Variants in ST8SIA4 observed in about 807,000 individuals in gnomAD.
ST8SIA4 encodes CMP-N-acetylneuraminate-poly-alpha-2,8-sialyltransferase.
ST8SIA4 carries 15 observed loss-of-function variants against 33.9 expected under a neutral mutation model. The observed-to-expected ratio is 0.44, with a 90% CI of 0.30 to 0.68. The LOEUF is 0.68. Ranked by LOEUF, ST8SIA4 falls within the 30% of genes least tolerant of loss-of-function variation. ST8SIA4 has a pLI of 0.10. For synonymous variants in ST8SIA4, 171 were observed against 151.2 expected (o/e 1.13, Z -0.96); for missense variants, 321 against 428.0 (o/e 0.75, Z 2.21).
intron 4 of ST8SIA4, among the ~76,000 whole-genome samples, chr5:100,850,093 A>G (rs116623203): frequency 0.022 from 3,403 of 152,272 alleles, 131 homozygotes; most frequent in African/African-American, 0.077. Context: ...ATTACTTTCA[A>G]TGGCAAAACC....
intron 4 of ST8SIA4, among the ~76,000 whole-genome samples, chr5:100,854,267 G>C (rs1348303596): frequency 1.3e-5 from 2 of 151,722 alleles, no homozygotes; most frequent in African/African-American, 4.8e-5. Context: ...AATGTGTGTT[G>C]AGTAAACATG....
intron 3 of ST8SIA4, among the ~76,000 whole-genome samples, chr5:100,858,128 G>T (rs3776166): frequency 0.095 from 14,431 of 151,952 alleles, 1,365 homozygotes; most frequent in African/African-American, 0.23. Context: ...TCATTTTAAA[G>T]TCCTAAGATG....
intron 3 of ST8SIA4, among the ~76,000 whole-genome samples, chr5:100,873,313 A>G (rs2112459096): frequency 6.6e-6 from 1 of 152,222 alleles, no homozygotes; most frequent in East Asian, 1.9e-4. Context: ...AGCTAGAGGG[A>G]AGATGAGGAG....
At chr5:100,858,686 G>A (rs183948227) in intron 3 of ST8SIA4, among the ~76,000 whole-genome samples, 1 of 152,044 alleles carries the variant, frequency 6.6e-6, no homozygotes, top group Non-Finnish European at 1.5e-5. Context: ...AATGGAATAA[G>A]AATATTTATG....
chr5:100,816,533 C>A (rs1322355306), intron 4 of ST8SIA4: 1 of 525,518 alleles, frequency 1.9e-6, no homozygotes, highest in Non-Finnish European at 3.9e-6. Flanking sequence ...AAAGTAATGA[C>A]AAAAACTGCA....
chr5:100,858,618 C>T (rs1751868153), intron 3 of ST8SIA4, among the ~76,000 whole-genome samples: 1 of 151,984 alleles, frequency 6.6e-6, no homozygotes, highest in Non-Finnish European at 1.5e-5. Context: ...AGATGCTCAT[C>T]AATTAAAGCT....
chr5:100,823,026 G>C (rs963370990), intron 4 of ST8SIA4, among the ~76,000 whole-genome samples: 2 of 152,096 alleles, frequency 1.3e-5, no homozygotes, highest in African/African-American at 2.4e-5. Context: ...AGCTACTCGG[G>C]GGGCTGAGGG....
At chr5:100,838,213 T>C (rs1235338904) in intron 4 of ST8SIA4, among the ~76,000 whole-genome samples, 1 of 151,988 alleles carries the variant, frequency 6.6e-6, no homozygotes, top group Non-Finnish European at 1.5e-5. Flanking sequence ...AATAGAGATC[T>C]AGGACTGCCA....
At chr5:100,891,813 A>C (rs1370011365) in intron 2 of ST8SIA4, among the ~76,000 whole-genome samples, 1 of 152,086 alleles carries the variant, frequency 6.6e-6, no homozygotes, top group Non-Finnish European at 1.5e-5. Context: ...TCTGGGTTTG[A>C]ATCTTGACAC....
intron 1 of ST8SIA4, among the ~76,000 whole-genome samples, chr5:100,896,350 A>G (rs1440689330): frequency 6.6e-6 from 1 of 152,118 alleles, no homozygotes; most frequent in Non-Finnish European, 1.5e-5. Flanking sequence ...TGTAAAACAT[A>G]GAGATAAATA....
At chr5:100,819,819 AATGTT>A (rs1751001144) in intron 4 of ST8SIA4, among the ~76,000 whole-genome samples, 1 of 152,170 alleles carries the variant, frequency 6.6e-6, no homozygotes, top group African/African-American at 2.4e-5. Flanking sequence ...TATTAATATA[AATGTT>A]TAACATTATC....
intron 1 of ST8SIA4, among the ~76,000 whole-genome samples, chr5:100,896,763 A>G (rs975131933): frequency 7.2e-5 from 11 of 152,340 alleles, no homozygotes; most frequent in Admixed American, 1.3e-4. Flanking sequence ...AGCTCTGTTT[A>G]GACAACAGAG....
rs561426621 is a variant in ST8SIA4, at chr5:100,839,685, A to T, written c.797+16418T>A. Among the ~76,000 whole-genome samples, 19 of 152,076 alleles carry T rather than the reference A, an allele frequency of 1.2e-4. No homozygotes were observed. The South Asian group carries it at 3.1e-3, about 25-fold the overall frequency. ...TCACTTTCTGAATATTATTTTGGCA[A>T]TACATACAAGGGTCTCTAAATCAAT... On this transcript the variant is annotated intron_variant, in intron 4 of 4. Transcript: ENST00000231461.
At position 100,886,620 on chromosome 5, in the gene ST8SIA4, A is replaced by C; in HGVS notation, c.246-20T>G. 2 of 1,586,686 alleles carry C rather than the reference A, an allele frequency of 1.3e-6. No individual in the cohort carries two copies. Among genetic ancestry groups the C allele is most frequent in the Non-Finnish European group, 1.7e-6 (2 of 1,155,726 alleles). On this transcript the variant is annotated intron_variant, in intron 2 of 4. Coordinates refer to ENST00000231461, the MANE Select transcript of ST8SIA4 (RefSeq NM_005668.6). The stretch of plus-strand genomic sequence containing the variant: ...TTCTTCCTGTATTTGAAATACAAGC[A>C]AAGTTTTACATTACCATCAGCATAT...
intron 4 of ST8SIA4, among the ~76,000 whole-genome samples, chr5:100,828,030 T>C (rs1751178774): frequency 6.6e-6 from 1 of 152,230 alleles, no homozygotes; most frequent in South Asian, 2.1e-4. Context: ...AGAATGTATA[T>C]ACTGAAGCAA....
chr5:100,835,819 A>G (rs1751353207), intron 4 of ST8SIA4, among the ~76,000 whole-genome samples: 1 of 152,178 alleles, frequency 6.6e-6, no homozygotes, highest in Non-Finnish European at 1.5e-5. Flanking sequence ...CAGAATAGAA[A>G]GATAACCATC....
In ST8SIA4 at chr5:100,811,145, C is replaced by G. The variant is rs1750808621; in HGVS notation, c.*702G>C. 6.8e-6 allele frequency: 1 copy of G among 146,436 alleles called. No individual in the cohort carries two copies. Among genetic ancestry groups the G allele is most frequent in the Non-Finnish European group, 1.5e-5 (1 of 67,042 alleles). 9.1% of individuals were successfully genotyped at this position (146,436 alleles called of 1,614,324 possible). ...TGAGCTGAGATCGCGCCACTGTACT[C>G]CAGCCTGGGCAACAGAGCGAGACAA... On this transcript the variant is annotated 3_prime_UTR_variant, in exon 5 of 5. Transcript: ENST00000231461.
intron 4 of ST8SIA4, among the ~76,000 whole-genome samples, chr5:100,823,266 T>C (rs1751070939): frequency 6.6e-6 from 1 of 152,188 alleles, no homozygotes; most frequent in Admixed American, 6.5e-5. Context: ...CATGGTGATG[T>C]CAGGAAGTTA....
At chr5:100,857,812 T>C (rs1751850641) in intron 3 of ST8SIA4, among the ~76,000 whole-genome samples, 1 of 152,030 alleles carries the variant, frequency 6.6e-6, no homozygotes, top group African/African-American at 2.4e-5. Context: ...ATATTTCATC[T>C]CAAATTCTCT....
Sources: gnomAD v4.1 joint callset for allele counts (sites outside exome capture counted in the v4.1 genomes callset) on GRCh38, gnomAD v4.1.1 for gene constraint, MANE v1.5 for transcripts, NCBI Gene and HGNC (gene_info 2026-07-23, HGNC 2026-07-21) for gene names.